PTPRR: variants seen among roughly 807,000 people sequenced by gnomAD.
PTPRR encodes receptor-type tyrosine-protein phosphatase R.
Under a neutral mutation model 77.2 loss-of-function variants are expected in PTPRR, and 38 were observed. The ratio of observed to expected loss-of-function variants is 0.49; its 90% confidence interval spans 0.38 to 0.65. The LOEUF is 0.65. Ranked by LOEUF, PTPRR falls within the 30% of genes least tolerant of loss-of-function variation. The pLI, the probability that PTPRR is intolerant of heterozygous loss-of-function variation, is 0.00. For synonymous variants in PTPRR, 299 were observed against 283.1 expected, an observed-to-expected ratio of 1.06 and a Z score of -0.57; for missense variants, 744 against 799.2, an observed-to-expected ratio of 0.93 and a Z score of 0.83.
Position 70,893,026 on chromosome 12 carries a change from G to C in PTPRR, c.59-49C>G, listed in dbSNP as rs763692153. 4.5e-6 allele frequency: 7 copies of C among 1,566,010 alleles called. No individual in the cohort carries two copies. The East Asian group carries it at 1.3e-4, about 30-fold the overall frequency. On this transcript the variant is annotated intron_variant, in intron 1 of 13. Transcript: ENST00000283228. ...CAATATCAAAGACCCTATTCAGTAA[G>C]AGAGGTAGATATATCTGATGAAGAG...
At chr12:70,810,103 T>C (rs573788632) in intron 2 of PTPRR, among the ~76,000 whole-genome samples, 8 of 152,206 alleles carry the variant, frequency 5.3e-5, no homozygotes, top group Non-Finnish European at 1.2e-4. Flanking sequence ...TGTTTCACTA[T>C]TTATCACTCC....
chr12:70,784,643 C>T (rs1891284658), intron 2 of PTPRR, among the ~76,000 whole-genome samples: 1 of 152,228 alleles, frequency 6.6e-6, no homozygotes, highest in Non-Finnish European at 1.5e-5. Context: ...CCGCCGCTGC[C>T]ATCACTATTA....
chr12:70,757,937 A>G (rs1890600525), intron 4 of PTPRR, among the ~76,000 whole-genome samples: 1 of 152,196 alleles, frequency 6.6e-6, no homozygotes, highest in Non-Finnish European at 1.5e-5. Flanking sequence ...GCAACTATCA[A>G]TCAATATTTT....
intron 13 of PTPRR, among the ~76,000 whole-genome samples, chr12:70,643,443 G>A (rs558781663): frequency 1.3e-5 from 2 of 152,248 alleles, no homozygotes; most frequent in East Asian, 1.9e-4. Context: ...CCAAAGTGCT[G>A]GGATTACAGG....
intron 2 of PTPRR, among the ~76,000 whole-genome samples, chr12:70,799,623 CA>C (rs1300660695): frequency 1.3e-5 from 2 of 151,948 alleles, no homozygotes; most frequent in African/African-American, 4.8e-5. Flanking sequence ...ATGAAATTTC[CA>C]TTAAGTAACA....
At chr12:70,662,678 A>G (rs534443346) in intron 10 of PTPRR, 73 bp from the exon 11 acceptor site, 6 of 788,418 alleles carry the variant, frequency 7.6e-6, no homozygotes, top group Non-Finnish European at 1.0e-5. Context: ...TCATTCAAGC[A>G]TCTCAAGAGT....
intron 6 of PTPRR, among the ~76,000 whole-genome samples, chr12:70,735,181 A>G (rs544244439): frequency 3.9e-4 from 60 of 152,336 alleles, no homozygotes; most frequent in African/African-American, 1.4e-3. Flanking sequence ...AGCTCTGGAC[A>G]TCCCCATACA....
intron 2 of PTPRR, among the ~76,000 whole-genome samples, chr12:70,773,764 T>A (rs1269856607): frequency 6.6e-6 from 1 of 152,234 alleles, no homozygotes; most frequent in African/African-American, 2.4e-5. Flanking sequence ...GAGAGTAATA[T>A]GTTTTTATTA....
intron 12 of PTPRR, 54 bp from the exon 13 acceptor site, chr12:70,656,871 A>G: frequency 8.1e-7 from 1 of 1,230,494 alleles, no homozygotes; most frequent in South Asian, 1.2e-5. Context: ...CAAAGATAAG[A>G]AACATTCTTT....
At chr12:70,827,852 C>T (rs1374544402) in intron 2 of PTPRR, among the ~76,000 whole-genome samples, 2 of 149,726 alleles carry the variant, frequency 1.3e-5, no homozygotes, top group African/African-American at 4.9e-5. Context: ...TCCCGAGTAG[C>T]TGGGACTACA....
At chr12:70,705,510 G>A (rs1361473259) in intron 6 of PTPRR, among the ~76,000 whole-genome samples, 1 of 62,564 alleles carries the variant, frequency 1.6e-5, no homozygotes, top group Non-Finnish European at 3.2e-5. Context: ...GAATGGAAAT[G>A]GAAGAGGACA....
intron 2 of PTPRR, among the ~76,000 whole-genome samples, chr12:70,871,476 T>C (rs1486247491): frequency 3.9e-5 from 6 of 152,162 alleles, no homozygotes; most frequent in African/African-American, 1.4e-4. Flanking sequence ...ATGGGCAAAA[T>C]TATGTATCTG....
At chr12:70,785,226 C>T (rs1473997778) in intron 2 of PTPRR, among the ~76,000 whole-genome samples, 1 of 152,110 alleles carries the variant, frequency 6.6e-6, no homozygotes, top group East Asian at 1.9e-4. Context: ...ATTTTTACCA[C>T]TACCAATTAA....
rs563930279 is a variant in PTPRR, at chr12:70,679,529, T to C, written c.1497+4598A>G. Among the ~76,000 whole-genome samples the C allele has an allele frequency of 2.0e-5, 3 of 152,298 alleles. No individual in the cohort carries two copies. The East Asian group carries it at 5.8e-4, about 29-fold the overall frequency. ...TATTACTATATAGCAGTCTATTTCT[T>C]TCTTTAATCTAATAAATAATTGCTC... On this transcript the variant is annotated intron_variant, in intron 10 of 13. Transcript: ENST00000283228.
intron 2 of PTPRR, among the ~76,000 whole-genome samples, chr12:70,765,882 C>T (rs1890808334): frequency 6.6e-6 from 1 of 152,220 alleles, no homozygotes; most frequent in Admixed American, 6.5e-5. Context: ...GCAGCCACCG[C>T]TGCTATTACC....
intron 2 of PTPRR, among the ~76,000 whole-genome samples, chr12:70,803,154 C>T (rs111685949): frequency 0.013 from 1,952 of 152,212 alleles, 49 homozygotes; most frequent in African/African-American, 0.044. Flanking sequence ...AAAGCAGTTG[C>T]CATCAGCTCA....
intron 2 of PTPRR, among the ~76,000 whole-genome samples, chr12:70,824,848 C>T (rs948253274): frequency 2.6e-5 from 4 of 152,190 alleles, no homozygotes; most frequent in Non-Finnish European, 5.9e-5. Flanking sequence ...TGACAGTGGG[C>T]TTGCTAGAAT....
At chr12:70,773,050 A>G (rs940052758) in intron 2 of PTPRR, among the ~76,000 whole-genome samples, 5 of 151,956 alleles carry the variant, frequency 3.3e-5, no homozygotes, top group Non-Finnish European at 2.9e-5. Flanking sequence ...TGGATTACAG[A>G]TATATTACTC....
intron 6 of PTPRR, among the ~76,000 whole-genome samples, 196 bp from the exon 7 acceptor site, chr12:70,701,519 T>G (rs774179602): frequency 2.0e-5 from 3 of 152,206 alleles, no homozygotes; most frequent in Non-Finnish European, 4.4e-5. Flanking sequence ...ATTTTGTTGT[T>G]GGAAAGAACT....
Sources: allele counts gnomAD v4.1 joint callset (sites outside exome capture counted in the v4.1 genomes callset), GRCh38; gene constraint gnomAD v4.1.1; transcripts MANE v1.5; gene names NCBI Gene and HGNC (gene_info 2026-07-23, HGNC 2026-07-21).